The following PDE4D variants were observed in gnomAD, a reference collection of about 807,000 sequenced individuals.
PDE4D encodes 3',5'-cyclic-AMP phosphodiesterase 4D.
Under a neutral mutation model 87.4 loss-of-function variants are expected in PDE4D, and 24 were observed. The ratio of observed to expected loss-of-function variants is 0.27; its 90% CI spans 0.20 to 0.39. PDE4D has a LOEUF of 0.39. PDE4D is among the 10% of genes least tolerant of loss of function. The pLI, the probability that PDE4D is intolerant of heterozygous loss-of-function variation, is 1.00. For missense variants in PDE4D, 714 were observed against 1,041.0 expected, an observed-to-expected ratio of 0.69 and a Z score of 4.32; for synonymous variants, 384 against 383.2, an observed-to-expected ratio of 1.00 and a Z score of -0.02.
At chr5:59,162,442 T>C (rs1781241300) in intron 5 of PDE4D, among the ~76,000 whole-genome samples, 2 of 152,300 alleles carry the variant, frequency 1.3e-5, no homozygotes, top group East Asian at 1.9e-4. Flanking sequence ...TTGCCTTCTA[T>C]GTCATGTTCT....
intron 2 of PDE4D, among the ~76,000 whole-genome samples, chr5:60,098,341 T>C (rs1775888934): frequency 6.6e-6 from 1 of 151,938 alleles, no homozygotes; most frequent in African/African-American, 2.4e-5. Flanking sequence ...ATTGGAATTT[T>C]GATAGGGGTT....
intron 1 of PDE4D, among the ~76,000 whole-genome samples, chr5:59,664,378 A>T (rs1183998162): frequency 2.0e-5 from 3 of 152,224 alleles, no homozygotes; most frequent in African/African-American, 4.8e-5. Context: ...GACAAACACA[A>T]ATCAGTTAAT....
At position 59,467,153 on chromosome 5, in the gene PDE4D, C is replaced by T. The variant is rs373514850; in HGVS notation, c.456-251185G>A. On this transcript the variant is annotated intron_variant, in intron 1 of 14. Transcript: ENST00000340635. ...GAAACCAACCCTGCTCTCTTGACTT[C>T]AGACTTCCAGCCTCCAGAACTATCA... Among the ~76,000 whole-genome samples, 3 of 152,194 alleles carry T rather than the reference C, an allele frequency of 2.0e-5. No homozygotes were observed. In the East Asian group the frequency reaches 5.8e-4, roughly 29 times the overall value.
At position 60,104,314 on chromosome 5, in the gene PDE4D, G is replaced by A. The variant is rs185217204; in HGVS notation, c.42+81243C>T. ...GTGGCAGCGAGGCTGGGGGAGAGGCGCCCACCATTGCCCAGGCTTGCTTAC... is the reference window on the plus strand; with the variant it reads ...GTGGCAGCGAGGCTGGGGGAGAGGCACCCACCATTGCCCAGGCTTGCTTAC... On this transcript the variant is annotated intron_variant, in intron 2 of 16. Transcript: ENST00000502484. 5.6e-3 allele frequency among the ~76,000 whole-genome samples: 854 copies of A among 152,268 alleles called. 8 individuals carry two copies. Among genetic ancestry groups the A allele is most frequent in the African/African-American group, 0.019 (773 of 41,560 alleles).
chr5:59,384,259 C>G (rs920747872), intron 1 of PDE4D, among the ~76,000 whole-genome samples: 1 of 152,202 alleles, frequency 6.6e-6, no homozygotes. Context: ...CAACCATTAG[C>G]GATACTGGCT....
chr5:59,456,962 C>T (rs948679535), intron 1 of PDE4D, among the ~76,000 whole-genome samples: 2 of 152,084 alleles, frequency 1.3e-5, no homozygotes, highest in Non-Finnish European at 2.9e-5. Context: ...AGTGGTTTCT[C>T]AAGATGAAAT....
intron 11 of PDE4D, among the ~76,000 whole-genome samples, chr5:58,987,193 T>C (rs867295099): frequency 6.6e-6 from 1 of 152,196 alleles, no homozygotes; most frequent in Non-Finnish European, 1.5e-5. Context: ...ACCATGTAAA[T>C]GCAGGGAGCT....
At chr5:59,302,068 C>T (rs1308167870) in intron 1 of PDE4D, among the ~76,000 whole-genome samples, 1 of 152,118 alleles carries the variant, frequency 6.6e-6, no homozygotes, top group East Asian at 1.9e-4. Flanking sequence ...GATATGTGAC[C>T]TTCCTTTGGG....
rs1761631968 is a variant in PDE4D, at chr5:60,378,815, T to TG, written c.-90+109126dup. ...TTGCAGTGAGCCTAGAGAGCACCAC[T>TG]GCACTCCAGCCTGGGCGACAGAGCG... On this transcript the variant is annotated intron_variant, in intron 1 of 16. Coordinates refer to the PDE4D transcript ENST00000502484. 2.6e-5 allele frequency among the ~76,000 whole-genome samples: 4 copies of TG among 151,180 alleles called. No homozygotes were observed. In the South Asian group the frequency reaches 8.4e-4, roughly 32 times the overall value.
intron 6 of PDE4D, among the ~76,000 whole-genome samples, chr5:59,010,014 G>A (rs571806361): frequency 1.3e-5 from 2 of 152,262 alleles, no homozygotes; most frequent in Admixed American, 6.5e-5. Context: ...AACATTCAGT[G>A]AATTCCCAGT....
intron 5 of PDE4D, among the ~76,000 whole-genome samples, chr5:59,131,193 T>C (rs545303728): frequency 1.3e-5 from 2 of 152,328 alleles, no homozygotes; most frequent in Admixed American, 1.3e-4. Context: ...TTATATGCTC[T>C]CACAGCAATT....
intron 1 of PDE4D, among the ~76,000 whole-genome samples, chr5:59,872,875 C>A (rs376054877): frequency 6.6e-6 from 1 of 151,946 alleles, no homozygotes; most frequent in Admixed American, 6.6e-5. Flanking sequence ...AATATGGGTA[C>A]GCTCAATGAA....
At chr5:59,996,480 C>A (rs1763536294) in intron 2 of PDE4D, among the ~76,000 whole-genome samples, 1 of 152,250 alleles carries the variant, frequency 6.6e-6, no homozygotes, top group South Asian at 2.1e-4. Context: ...TATTTGCAAT[C>A]TTAACATATT....
chr5:59,339,060 C>T (rs2153580842), intron 1 of PDE4D, among the ~76,000 whole-genome samples: 1 of 152,244 alleles, frequency 6.6e-6, no homozygotes, highest in East Asian at 1.9e-4. Flanking sequence ...ATCCCAAGTC[C>T]TACAGAACTG....
At chr5:60,402,149 C>T (rs746530299) in intron 1 of PDE4D, among the ~76,000 whole-genome samples, 3 of 152,144 alleles carry the variant, frequency 2.0e-5, no homozygotes, top group Non-Finnish European at 2.9e-5. Context: ...TCCAGCAATG[C>T]CTGAAATAGC....
chr5:60,157,307 C>G (rs1353666145), intron 2 of PDE4D, among the ~76,000 whole-genome samples: 1 of 152,026 alleles, frequency 6.6e-6, no homozygotes, highest in Non-Finnish European at 1.5e-5. Flanking sequence ...TTCATTCATT[C>G]AAATATTTAT....
intron 2 of PDE4D, among the ~76,000 whole-genome samples, chr5:60,031,415 A>G (rs1050397361): frequency 6.6e-6 from 1 of 152,230 alleles, no homozygotes; most frequent in Admixed American, 6.5e-5. Flanking sequence ...AATCAAAACA[A>G]AAGCCAAGCA....
chr5:60,188,836 C>CA (rs1436039112), intron 1 of PDE4D, among the ~76,000 whole-genome samples: 18 of 152,198 alleles, frequency 1.2e-4, no homozygotes, highest in African/African-American at 4.3e-4. Flanking sequence ...TTGTCTGCCT[C>CA]AAAATCCACG....
chr5:59,390,114 G>A (rs747058248), intron 1 of PDE4D, among the ~76,000 whole-genome samples: 2 of 151,936 alleles, frequency 1.3e-5, no homozygotes, highest in African/African-American at 2.4e-5. Flanking sequence ...TCCTAAATAT[G>A]TATAATTATT....
Sources: gnomAD v4.1 joint callset for allele counts (sites outside exome capture counted in the v4.1 genomes callset) on GRCh38, gnomAD v4.1.1 for gene constraint, MANE v1.5 for transcripts, NCBI Gene and HGNC (gene_info 2026-07-23, HGNC 2026-07-21) for gene names.